GFRA1: variants seen among roughly 807,000 people sequenced by gnomAD.
GFRA1 encodes the protein GDNF family receptor alpha-1.
In GFRA1, 16 loss-of-function variants were observed where a neutral mutation model predicts 51.6. The ratio of observed to expected loss-of-function variants is 0.31; its 90% CI spans 0.21 to 0.47. The LOEUF (loss-of-function observed/expected upper bound fraction) is 0.47. GFRA1 is among the 20% of genes least tolerant of loss of function. GFRA1 has a pLI of 1.00. For synonymous variants in GFRA1, 270 were observed against 241.3 expected (o/e 1.12, Z -1.10); for missense variants, 530 against 594.3 (o/e 0.89, Z 1.13).
chr10:116,185,157 G>A (rs973263029), intron 5 of GFRA1, among the ~76,000 whole-genome samples: 1 of 152,038 alleles, frequency 6.6e-6, no homozygotes. Context: ...AAGGGAGGCA[G>A]ACAGAGAGAG....
At chr10:116,186,401 A>T (rs1161275433) in intron 5 of GFRA1, among the ~76,000 whole-genome samples, 4 of 152,162 alleles carry the variant, frequency 2.6e-5, no homozygotes, top group Non-Finnish European at 5.9e-5. Flanking sequence ...GCTCCTAACG[A>T]CTGATGTGCC....
intron 5 of GFRA1, among the ~76,000 whole-genome samples, chr10:116,162,040 T>G (rs1253781591): frequency 6.6e-6 from 1 of 152,244 alleles, no homozygotes; most frequent in Non-Finnish European, 1.5e-5. Flanking sequence ...GTTTTCTATT[T>G]GCCAGCTCTT....
intron 5 of GFRA1, among the ~76,000 whole-genome samples, chr10:116,137,562 C>T (rs955396059): frequency 2.0e-5 from 3 of 152,164 alleles, no homozygotes; most frequent in Admixed American, 1.3e-4. Flanking sequence ...GCAACCATCA[C>T]TCATCTGCTA....
chr10:116,174,055 G>T (rs1360209006), intron 5 of GFRA1, among the ~76,000 whole-genome samples: 1 of 151,960 alleles, frequency 6.6e-6, no homozygotes, highest in African/African-American at 2.4e-5. Flanking sequence ...ACTCCAGCCT[G>T]GGCAACAAGA....
At chr10:116,159,936 C>T (rs1283213993) in intron 5 of GFRA1, among the ~76,000 whole-genome samples, 1 of 152,180 alleles carries the variant, frequency 6.6e-6, no homozygotes, top group Non-Finnish European at 1.5e-5. Flanking sequence ...ATAACTGAAC[C>T]ATAAGGATTC....
rs548393695 is a variant in GFRA1, at chr10:116,249,116, G to A, written c.418+20387C>T. On this transcript the variant is annotated intron_variant, in intron 4 of 10. Transcript: ENST00000355422. ...TCTTCCCACCCTAAGCCTCATCACCGGTGCTCAGAGCATCATCTGCTTCTC... is the reference window on the plus strand; with the variant it reads ...TCTTCCCACCCTAAGCCTCATCACCAGTGCTCAGAGCATCATCTGCTTCTC... Among the ~76,000 whole-genome samples, 10 of 152,182 alleles carry A rather than the reference G, an allele frequency of 6.6e-5. No homozygotes were observed. In the South Asian group the frequency reaches 1.2e-3, roughly 19 times the overall value.
intron 5 of GFRA1, among the ~76,000 whole-genome samples, chr10:116,189,907 C>A (rs991005576): frequency 1.3e-5 from 2 of 151,656 alleles, no homozygotes; most frequent in African/African-American, 4.8e-5. Flanking sequence ...TTTTTAAGGT[C>A]TCTTTTCCTG....
intron 6 of GFRA1, among the ~76,000 whole-genome samples, chr10:116,111,623 C>T (rs917836291): frequency 6.6e-6 from 1 of 152,176 alleles, no homozygotes; most frequent in Non-Finnish European, 1.5e-5. Context: ...GGTGCCTACT[C>T]CTCATTTTCA....
chr10:116,225,040 C>T (rs1252701548), intron 4 of GFRA1, among the ~76,000 whole-genome samples: 3 of 152,048 alleles, frequency 2.0e-5, no homozygotes, highest in Non-Finnish European at 2.9e-5. Context: ...CTCAGGGGGT[C>T]ACAGCCTGGT....
intron 5 of GFRA1, among the ~76,000 whole-genome samples, chr10:116,179,548 A>G (rs1007517025): frequency 6.6e-6 from 1 of 152,196 alleles, no homozygotes. Context: ...TCCAGAATCC[A>G]TGCTCTTCAC....
intron 5 of GFRA1, among the ~76,000 whole-genome samples, chr10:116,194,680 T>C (rs1963583526): frequency 6.6e-6 from 1 of 152,124 alleles, no homozygotes. Flanking sequence ...GGCCTACTGA[T>C]TCACACATAG....
chr10:116,100,631 G>A (rs1296330544), intron 6 of GFRA1, among the ~76,000 whole-genome samples: 2 of 152,152 alleles, frequency 1.3e-5, no homozygotes, highest in South Asian at 2.1e-4. Flanking sequence ...TTTTAAACCC[G>A]AGAAGTAACA....
chr10:116,106,479 C>T (rs1409757858), intron 6 of GFRA1, among the ~76,000 whole-genome samples: 1 of 152,220 alleles, frequency 6.6e-6, no homozygotes, highest in Non-Finnish European at 1.5e-5. Context: ...AAATCTCACG[C>T]TGAAACGTGA....
chr10:116,239,210 T>G (rs1482192106), intron 4 of GFRA1, among the ~76,000 whole-genome samples: 2 of 152,252 alleles, frequency 1.3e-5, no homozygotes, highest in Non-Finnish European at 2.9e-5. Flanking sequence ...CTAAACACTG[T>G]TAGGCATTGC....
chr10:116,076,450 C>T (rs1171745718), intron 9 of GFRA1, among the ~76,000 whole-genome samples: 1 of 152,120 alleles, frequency 6.6e-6, no homozygotes, highest in Non-Finnish European at 1.5e-5. Flanking sequence ...AAAAAGGAAG[C>T]CTGTGTCATT....
chr10:116,255,723 C>T (rs752664482), intron 4 of GFRA1: 45 of 1,289,074 alleles, frequency 3.5e-5, no homozygotes, highest in South Asian at 1.1e-4. Context: ...CTTCCTCTCT[C>T]CTTCTCCCCT....
chr10:116,175,331 T>C (rs80307999), intron 5 of GFRA1, among the ~76,000 whole-genome samples: 5,792 of 152,286 alleles, frequency 0.038, 169 homozygotes, highest in Non-Finnish European at 0.061. Context: ...AATATGTGAC[T>C]TCTTAGCTGT....
chr10:116,067,517 TC>T (rs1955170921), intron 9 of GFRA1, among the ~76,000 whole-genome samples: 1 of 152,186 alleles, frequency 6.6e-6, no homozygotes, highest in African/African-American at 2.4e-5. Flanking sequence ...TTCTAAGAGT[TC>T]CAAGGGCTGG....
At chr10:116,169,026 A>T (rs1231171836) in intron 5 of GFRA1, among the ~76,000 whole-genome samples, 2 of 152,230 alleles carry the variant, frequency 1.3e-5, no homozygotes, top group Non-Finnish European at 2.9e-5. Flanking sequence ...GTTTCTCTGC[A>T]GCAAGGGCAG....
Sources: gnomAD v4.1 joint callset for allele counts (sites outside exome capture counted in the v4.1 genomes callset) on GRCh38, gnomAD v4.1.1 for gene constraint, MANE v1.5 for transcripts, NCBI Gene and HGNC (gene_info 2026-07-23, HGNC 2026-07-21) for gene names.